GRIK4: variants seen among roughly 807,000 people sequenced by gnomAD.
The protein encoded by GRIK4 is glutamate receptor ionotropic, kainate 4.
In GRIK4, 40 loss-of-function variants were observed where a neutral mutation model predicts 104.9. The ratio of observed to expected loss-of-function variants is 0.38; its 90% confidence interval spans 0.30 to 0.50. The LOEUF is 0.50. Ranked by LOEUF, GRIK4 falls within the 20% of genes least tolerant of loss-of-function variation. The pLI is 0.93. For missense variants in GRIK4, 1,047 were observed against 1,308.1 expected (o/e 0.80, Z 3.08); for synonymous variants, 485 against 524.9 (o/e 0.92, Z 1.04).
intron 11 of GRIK4, among the ~76,000 whole-genome samples, chr11:120,883,192 G>C (rs1411203847): frequency 6.6e-6 from 1 of 152,178 alleles, no homozygotes; most frequent in African/African-American, 2.4e-5. Flanking sequence ...GCCCCGGGGA[G>C]GTGTGCAGGG....
chr11:120,559,586 A>C (rs1439916466), intron 1 of GRIK4, among the ~76,000 whole-genome samples: 1 of 152,254 alleles, frequency 6.6e-6, no homozygotes, highest in Non-Finnish European at 1.5e-5. Context: ...CAGGCCTTCC[A>C]AAACAACATG....
chr11:120,675,844 G>A (rs550491698), intron 3 of GRIK4, among the ~76,000 whole-genome samples: 5 of 152,284 alleles, frequency 3.3e-5, no homozygotes, highest in Non-Finnish European at 7.4e-5. Context: ...AGTTATTATC[G>A]ATAGTTCTAC....
chr11:120,857,338 C>A (rs1954131076), intron 8 of GRIK4, among the ~76,000 whole-genome samples: 1 of 152,176 alleles, frequency 6.6e-6, no homozygotes, highest in African/African-American at 2.4e-5. Context: ...GTGAGGGGCG[C>A]CCTTCCACGT....
At chr11:120,754,931 T>A (rs1442166118) in intron 3 of GRIK4, among the ~76,000 whole-genome samples, 1 of 152,228 alleles carries the variant, frequency 6.6e-6, no homozygotes, top group East Asian at 1.9e-4. Flanking sequence ...TAACCCCTTA[T>A]CATTTATATG....
chr11:120,739,232 AAAT>A (rs1951283643), intron 3 of GRIK4, among the ~76,000 whole-genome samples: 1 of 152,158 alleles, frequency 6.6e-6, no homozygotes, highest in Admixed American at 6.5e-5. Context: ...ATCTATATGG[AAAT>A]AATAGTAGTG....
At chr11:120,554,908 CCT>C (rs1467792769) in intron 1 of GRIK4, among the ~76,000 whole-genome samples, 1 of 152,196 alleles carries the variant, frequency 6.6e-6, no homozygotes, top group Non-Finnish European at 1.5e-5. Context: ...CATCTGTTCC[CCT>C]CTTTCCAAAT....
intron 1 of GRIK4, among the ~76,000 whole-genome samples, chr11:120,642,780 C>T (rs946152967): frequency 2.6e-5 from 4 of 152,152 alleles, no homozygotes; most frequent in African/African-American, 9.7e-5. Flanking sequence ...CTCTGCCGTC[C>T]TCCTCCTCAC....
At chr11:120,864,167 G>A (rs1326383539) in intron 9 of GRIK4, among the ~76,000 whole-genome samples, 2 of 151,916 alleles carry the variant, frequency 1.3e-5, no homozygotes, top group African/African-American at 2.4e-5. Flanking sequence ...TCCCAGCTGC[G>A]TCTGCTGTTC....
At chr11:120,760,553 C>T (rs1379156899) in intron 3 of GRIK4, among the ~76,000 whole-genome samples, 6 of 151,824 alleles carry the variant, frequency 4.0e-5, no homozygotes, top group African/African-American at 4.8e-5. Flanking sequence ...CCCATCAACC[C>T]GTCATCTACA....
chr11:120,802,586 G>T, intron 3 of GRIK4, 107 bp from the exon 4 acceptor site: 1 of 917,706 alleles, frequency 1.1e-6, no homozygotes, highest in South Asian at 1.5e-5. Context: ...GAGGAACTTG[G>T]GGTGCTGCCT....
At chr11:120,802,396 A>G (rs1952636407) in intron 3 of GRIK4, among the ~76,000 whole-genome samples, 2 of 152,220 alleles carry the variant, frequency 1.3e-5, no homozygotes, top group South Asian at 4.1e-4. Context: ...TCCAAGTATC[A>G]GGATGCCTGG....
chr11:120,585,398 G>A (rs1036148374), intron 1 of GRIK4, among the ~76,000 whole-genome samples: 2 of 149,250 alleles, frequency 1.3e-5, no homozygotes, highest in Admixed American at 6.7e-5. Context: ...AGCCCAGGCC[G>A]AGGTGCAGTG....
At chr11:120,859,003 A>G (rs1954191184) in intron 8 of GRIK4, 1 of 152,222 alleles carries the variant, frequency 6.6e-6, no homozygotes, top group Non-Finnish European at 1.5e-5. Context: ...TTTTATCTTA[A>G]GAGGCCTTTG....
intron 13 of GRIK4, among the ~76,000 whole-genome samples, chr11:120,933,610 C>A (rs947812392): frequency 6.6e-6 from 1 of 152,140 alleles, no homozygotes; most frequent in African/African-American, 2.4e-5. Context: ...GTTCAGTTAC[C>A]CCCTCTACTG....
At chr11:120,715,881 A>G (rs1950822928) in intron 3 of GRIK4, among the ~76,000 whole-genome samples, 1 of 152,066 alleles carries the variant, frequency 6.6e-6, no homozygotes, top group African/African-American at 2.4e-5. Context: ...AATTTAAATG[A>G]ATTAAACATA....
chr11:120,721,557 G>A (rs1950933957), intron 3 of GRIK4, among the ~76,000 whole-genome samples: 2 of 152,222 alleles, frequency 1.3e-5, no homozygotes, highest in South Asian at 2.1e-4. Flanking sequence ...GGTTTCTGTG[G>A]GAAGAACCAG....
At chr11:120,686,675 G>A (rs1157525975) in intron 3 of GRIK4, among the ~76,000 whole-genome samples, 4 of 152,336 alleles carry the variant, frequency 2.6e-5, no homozygotes, top group Admixed American at 6.5e-5. Context: ...CTGTCTCAAC[G>A]TTATTGCCGT....
chr11:120,816,690 CAGA>C (rs1952969730), intron 5 of GRIK4, among the ~76,000 whole-genome samples: 2 of 152,054 alleles, frequency 1.3e-5, no homozygotes, highest in African/African-American at 4.8e-5. Flanking sequence ...ACGCTTTGGG[CAGA>C]AGAATATTTA....
intron 1 of GRIK4, chr11:120,620,010 A>T: frequency 1.8e-5 from 9 of 489,278 alleles, no homozygotes; most frequent in Admixed American, 3.5e-5. Context: ...ATCTCGGTGG[A>T]GCTGTTAGCG....
Sources: gnomAD v4.1 joint callset for allele counts (sites outside exome capture counted in the v4.1 genomes callset) on GRCh38, gnomAD v4.1.1 for gene constraint, MANE v1.5 for transcripts, NCBI Gene and HGNC (gene_info 2026-07-23, HGNC 2026-07-21) for gene names.